The following NAA35 variants were observed in gnomAD, a reference collection of about 807,000 sequenced individuals.
NAA35 encodes the protein N-alpha-acetyltransferase 35, NatC auxiliary subunit.
In NAA35, 18 loss-of-function variants were observed where a neutral mutation model predicts 101.7. The ratio of observed to expected loss-of-function variants is 0.18; its 90% CI spans 0.12 to 0.26. The LOEUF (loss-of-function observed/expected upper bound fraction) is 0.26. Ranked by LOEUF, NAA35 falls within the 10% of genes least tolerant of loss-of-function variation. The pLI is 1.00. For missense variants in NAA35, 601 were observed against 886.8 expected, an observed-to-expected ratio of 0.68 and a Z score of 4.09; for synonymous variants, 267 against 273.1, an observed-to-expected ratio of 0.98 and a Z score of 0.22.
intron 12 of NAA35, among the ~76,000 whole-genome samples, chr9:86,002,877 G>T (rs921890827): frequency 6.6e-6 from 1 of 152,108 alleles, no homozygotes; most frequent in African/African-American, 2.4e-5. Context: ...ACTCATGTTG[G>T]AGAACTGGTG....
chr9:85,968,496 C>T (rs1829857883), intron 6 of NAA35, among the ~76,000 whole-genome samples: 1 of 152,172 alleles, frequency 6.6e-6, no homozygotes, highest in Non-Finnish European at 1.5e-5. Context: ...CAAGTGTGAG[C>T]CACCGTGCCC....
rs373658427 is a variant in NAA35 at position 85,992,958 on chromosome 9, GCT to G, written c.878-3440_878-3439del. On this transcript the variant is annotated intron_variant, in intron 11 of 22. Coordinates refer to ENST00000361671, the MANE Select transcript of NAA35 (RefSeq NM_024635.4). ...TTTGAGATTGTTTCAAAAGAAAAAAGCTTACCTCAAAGCAAAATAGATCAATA... is the reference window on the plus strand; with the variant it reads ...TTTGAGATTGTTTCAAAAGAAAAAAGTACCTCAAAGCAAAATAGATCAATA... Among the ~76,000 whole-genome samples, 246 of 152,204 alleles carry G rather than the reference GCT, an allele frequency of 1.6e-3. 1 individual carries two copies. Among genetic ancestry groups the G allele is most frequent in the African/African-American group, 3.8e-3 (156 of 41,516 alleles).
intron 17 of NAA35, chr9:86,014,302 A>G: frequency 2.6e-6 from 2 of 764,970 alleles, no homozygotes; most frequent in Non-Finnish European, 3.2e-6. Context: ...CTGGGAGCAT[A>G]ACTGTTTCAA....
In NAA35 at chr9:86,005,766, T is replaced by A. The variant is rs374061261; in HGVS notation, c.1117-1592T>A. On this transcript the variant is annotated intron_variant, in intron 13 of 22. Coordinates refer to ENST00000361671, the MANE Select transcript of NAA35 (RefSeq NM_024635.4). ...ATACATAGGTGCAAATCTAATATGATTAATATTCAGCAATATTCAATATAT... is the reference window on the plus strand; with the variant it reads ...ATACATAGGTGCAAATCTAATATGAATAATATTCAGCAATATTCAATATAT... Among the ~76,000 whole-genome samples, 16 of 152,280 alleles carry A rather than the reference T, an allele frequency of 1.1e-4. No individual in the cohort carries two copies. In the South Asian group the frequency reaches 1.9e-3, roughly 18 times the overall value.
chr9:86,018,317 A>G lies in NAA35; in HGVS notation c.1836A>G (p.Glu612=), dbSNP rs1456807926. 16 of 1,613,950 alleles carry G rather than the reference A, an allele frequency of 9.9e-6. No homozygotes were observed. Among genetic ancestry groups the G allele is most frequent in the Non-Finnish European group, 1.4e-5 (16 of 1,179,956 alleles). Residue 612 remains glutamate, a synonymous_variant, in exon 20 of 23, where the codon GAA becomes GAG. Transcript: ENST00000361671. ...AACCGAAGTTTGAGCTTGATAGTGAACAAGTTCGGTATGAACACAGGTTTG... is the reference window on the plus strand; with the variant it reads ...AACCGAAGTTTGAGCTTGATAGTGAGCAAGTTCGGTATGAACACAGGTTTG... ...VRKPKFELDS[E]QVRYEHRFAP...
chr9:85,977,452 G>T lies in NAA35; in HGVS notation c.762+6G>T, dbSNP rs910654263. The T allele has an allele frequency of 6.3e-7, 1 of 1,585,134 alleles. No individual in the cohort carries two copies. Among genetic ancestry groups the T allele is most frequent in the South Asian group, 1.1e-5 (1 of 90,390 alleles). Reference sequence around the variant, plus strand: ...TAGCCTTTACTAAGAAAGAGGTAAGGGCATTCAATATAATATGTCTATTTG... The same window carrying T: ...TAGCCTTTACTAAGAAAGAGGTAAGTGCATTCAATATAATATGTCTATTTG... On this transcript the variant is annotated splice_donor_region_variant and intron_variant, in intron 10 of 22. Coordinates refer to ENST00000361671, the MANE Select transcript of NAA35 (RefSeq NM_024635.4).
chr9:86,001,312 C>T (rs946650756), intron 12 of NAA35, among the ~76,000 whole-genome samples: 2 of 151,840 alleles, frequency 1.3e-5, no homozygotes, highest in East Asian at 1.9e-4. Context: ...ATTATGTGGT[C>T]GATATTAGAG....
intron 21 of NAA35, among the ~76,000 whole-genome samples, chr9:86,020,046 AGGTGCAGTTTAATATGCATAGTAT>A (rs892149717): frequency 2.0e-5 from 3 of 152,230 alleles, no homozygotes; most frequent in Admixed American, 2.0e-4. Context: ...CTAAAAAGAA[AGGTGCAGTTTAATATGCATAGTAT>A]GGTGCAGTTT....
chr9:86,010,734 T>C lies in NAA35; in HGVS notation c.1290+803T>C, dbSNP rs184700944. On this transcript the variant is annotated intron_variant, in intron 15 of 22. Transcript: ENST00000361671. ...GGACTACAGGCGCCGCCATCATGCC[T>C]GGCTAATTTTTTTTTTTGTATTTTT... is the stretch of plus-strand genomic sequence containing the variant. 1.2e-3 allele frequency among the ~76,000 whole-genome samples: 186 copies of C among 151,050 alleles called. 4 individuals are homozygous for C. In the South Asian group the frequency reaches 0.033, roughly 27 times the overall value.
intron 12 of NAA35, among the ~76,000 whole-genome samples, chr9:86,001,066 A>G (rs1831399959): frequency 6.6e-6 from 1 of 152,142 alleles, no homozygotes; most frequent in Non-Finnish European, 1.5e-5. Flanking sequence ...GCTGTGTCCT[A>G]GAGATTTTGG....
rs780706371 is a variant in NAA35 at position 85,942,243 on chromosome 9, C to T, written c.84C>T (p.Asn28=). 1.2e-6 allele frequency: 2 copies of T among 1,614,064 alleles called. No individual in the cohort carries two copies. Among genetic ancestry groups the T allele is most frequent in the Non-Finnish European group, 1.7e-6 (2 of 1,179,992 alleles). ...AAAAAATGGAGAAAAGCAATACAAA[C>T]TGGGTGGACATTACCCAAGATTTTG... ...MPEKMEKSNT[N]WVDITQDFEE... is the part of the protein sequence containing the mutation. Residue 28 remains asparagine (N), a synonymous_variant, in exon 2 of 23, where the codon AAC becomes AAT. Transcript: ENST00000361671.
intron 2 of NAA35, among the ~76,000 whole-genome samples, chr9:85,945,720 C>G (rs547422015): frequency 6.6e-6 from 1 of 151,976 alleles, no homozygotes. Context: ...GGGGTTTCAC[C>G]GTGTTAGTCA....
chr9:85,964,244 T>C (rs1381788880), intron 6 of NAA35, among the ~76,000 whole-genome samples: 1 of 151,708 alleles, frequency 6.6e-6, no homozygotes, highest in Non-Finnish European at 1.5e-5. Flanking sequence ...ACTATTAACA[T>C]ACTGTCCCAT....
At chr9:86,006,467 TAAA>T (rs1336242842) in intron 13 of NAA35, among the ~76,000 whole-genome samples, 1 of 151,972 alleles carries the variant, frequency 6.6e-6, no homozygotes, top group African/African-American at 2.4e-5. Context: ...TACTCAGAAA[TAAA>T]AAGAAAATGA....
At chr9:85,983,084 G>A (rs1017659720) in intron 11 of NAA35, among the ~76,000 whole-genome samples, 7 of 152,164 alleles carry the variant, frequency 4.6e-5, no homozygotes, top group South Asian at 4.1e-4. Context: ...TTTTTGCTGA[G>A]TGACATTCCT....
At chr9:85,962,380 A>G (rs1248554670) in intron 6 of NAA35, among the ~76,000 whole-genome samples, 200 bp downstream of exon 6, 1 of 147,864 alleles carries the variant, frequency 6.8e-6, no homozygotes, top group African/African-American at 2.5e-5. Context: ...AATCCCAGCT[A>G]CTTGGGAGGC....
At chr9:86,014,227 G>A (rs1424079118) in intron 17 of NAA35, 2 of 254,226 alleles carry the variant, frequency 7.9e-6, no homozygotes, top group Admixed American at 6.5e-5. Context: ...GGATGTACTT[G>A]ACAGTTAAAC....
intron 2 of NAA35, among the ~76,000 whole-genome samples, chr9:85,952,773 A>G (rs1225427238): frequency 2.6e-5 from 4 of 152,234 alleles, no homozygotes; most frequent in South Asian, 2.1e-4. Flanking sequence ...TAAGAAGTCA[A>G]GAACTAAAAG....
chr9:85,961,492 A>G (rs1829512630), intron 5 of NAA35, among the ~76,000 whole-genome samples: 1 of 152,220 alleles, frequency 6.6e-6, no homozygotes, highest in Non-Finnish European at 1.5e-5. Flanking sequence ...CCAGACATAT[A>G]GTGGTCACTT....
Sources: gnomAD v4.1 joint callset for allele counts (sites outside exome capture counted in the v4.1 genomes callset) on GRCh38, gnomAD v4.1.1 for gene constraint, MANE v1.5 for transcripts, NCBI Gene and HGNC (gene_info 2026-07-23, HGNC 2026-07-21) for gene names.